Variants in GCFC2 observed in about 807,000 individuals in gnomAD.
GCFC2 encodes the protein intron Large complex component GCFC2.
Under a neutral mutation model 99.4 loss-of-function variants are expected in GCFC2, and 102 were observed. The ratio of observed to expected loss-of-function variants is 1.03; its 90% CI spans 0.87 to 1.21. The LOEUF (loss-of-function observed/expected upper bound fraction) is 1.21. Among genes scored for constraint, GCFC2 ranks in the 50% most tolerant of loss-of-function variants. GCFC2 has a pLI of 0.00. For synonymous variants in GCFC2, 338 were observed against 316.8 expected (o/e 1.07, Z -0.71); for missense variants, 973 against 920.9 (o/e 1.06, Z -0.73).
chr2:75,708,501 C>CTTTTTTT (rs34414596), intron 1 of GCFC2, among the ~76,000 whole-genome samples: 3 of 78,642 alleles, frequency 3.8e-5, no homozygotes, highest in Non-Finnish European at 4.9e-5. Flanking sequence ...CATTTGGCAA[C>CTTTTTTT]TTTTTTTTTT....
Position 75,710,691 on chromosome 2 carries a change from C to A in GCFC2, c.165G>T (p.Ala55=). The change falls in exon 1 of 17, where the codon GCG becomes GCT. Residue 55 remains alanine (A), a synonymous_variant. Coordinates refer to ENST00000321027, the MANE Select transcript of GCFC2 (RefSeq NM_003203.5). The stretch of plus-strand genomic sequence containing the variant: ...GGCCCCGAACCCGGTGGGGCAGTCC[C>A]GCCACCTGCGCGCGGCCTCCTCCAG... The part of the protein sequence containing the change: ...PPSGGGRAQV[A]GLPHRVRGPR... 1 of 1,528,322 alleles carries A rather than the reference C, an allele frequency of 6.5e-7. No individual in the cohort carries two copies. The highest frequency in any genetic ancestry group is 8.8e-7 in the Non-Finnish European group (1 of 1,142,844). The allele number at this position is 1,528,322 out of a possible 1,614,324, so 94.7% of individuals were successfully genotyped here.
At chr2:75,673,201 G>A (rs1401789037) in intron 13 of GCFC2, among the ~76,000 whole-genome samples, 1 of 152,224 alleles carries the variant, frequency 6.6e-6, no homozygotes, top group East Asian at 1.9e-4. Context: ...TCCCAGCCAT[G>A]GGAGGCTGAG....
At chr2:75,683,669 G>A (rs1452033744) in intron 11 of GCFC2, among the ~76,000 whole-genome samples, 2 of 143,630 alleles carry the variant, frequency 1.4e-5, no homozygotes, top group Non-Finnish European at 3.0e-5. Context: ...AAAGTGTCAA[G>A]ACCCATCAAT....
intron 5 of GCFC2, among the ~76,000 whole-genome samples, chr2:75,695,423 G>A (rs930309410): frequency 1.3e-5 from 2 of 151,970 alleles, no homozygotes; most frequent in Admixed American, 6.6e-5. Flanking sequence ...AAACATGATA[G>A]TTTTTTTAAA....
Position 75,664,821 on chromosome 2 carries a change from A to G in GCFC2, c.2229-38T>C, listed in dbSNP as rs148795467. On this transcript the variant is annotated intron_variant, in intron 16 of 16. Coordinates refer to ENST00000321027, the MANE Select transcript of GCFC2 (RefSeq NM_003203.5). ...ACAAATTTCTCCCTTTAAAAATGCA[A>G]TGTATGAGGGAACAGCGGTCAATTC... 237 of 927,964 alleles carry G rather than the reference A, an allele frequency of 2.6e-4. 1 individual carries two copies. The African/African-American group carries it at 3.1e-3, about 12-fold the overall frequency. 57.5% of individuals were successfully genotyped at this position (927,964 alleles called of 1,614,324 possible). A position where few individuals can be genotyped will look rare whatever the true frequency, so the allele number is the denominator to read the frequency against.
chr2:75,707,595 TA>T (rs1283402910), intron 1 of GCFC2, among the ~76,000 whole-genome samples: 27 of 152,328 alleles, frequency 1.8e-4, no homozygotes, highest in Non-Finnish European at 3.8e-4. Flanking sequence ...ACATCTTTCT[TA>T]GATATTGTCA....
At chr2:75,710,916 G>GC, upstream of GCFC2, 2 of 1,429,340 alleles carry the variant, frequency 1.4e-6, no homozygotes, top group Non-Finnish European at 1.8e-6. Context: ...CAGCTTCAGT[G>GC]CCCGCCCCCT....
At chr2:75,697,235 T>C (rs1680367983) in intron 4 of GCFC2, among the ~76,000 whole-genome samples, 1 of 152,226 alleles carries the variant, frequency 6.6e-6, no homozygotes, top group Non-Finnish European at 1.5e-5. Context: ...AGAACCTCTA[T>C]TTTACACAAA....
intron 12 of GCFC2, among the ~76,000 whole-genome samples, chr2:75,675,741 C>CAAAAAAAAAAAA (rs1206357027): frequency 1.4e-5 from 1 of 70,270 alleles, no homozygotes; most frequent in African/African-American, 3.7e-5. Flanking sequence ...AAGGTTCTGT[C>CAAAAAAAAAAAA]AAAAAAAAAA....
chr2:75,681,734 C>T (rs964243053), intron 11 of GCFC2, among the ~76,000 whole-genome samples: 2 of 151,838 alleles, frequency 1.3e-5, no homozygotes, highest in Non-Finnish European at 2.9e-5. Context: ...CTGAGCCCAA[C>T]CTGAGATGCT....
In GCFC2 at chr2:75,673,452, A is replaced by C. The variant is rs780942499; in HGVS notation, c.1881T>G (p.Tyr627Ter). The change falls in exon 13 of 17, where the codon TAT becomes TAG. Residue 627 changes from tyrosine to a stop codon, truncating the protein, a stop_gained. Transcript: ENST00000321027. LOFTEE classifies it high-confidence loss of function. ...AVEDDVFIPL[Y>*]PKSAVENKTS... ...AAATTAACAGCGCTTACCTCTTTGG[A>C]TACAGAGGAATAAAAACATCATCTT... is the stretch of plus-strand genomic sequence containing the variant. The C allele has an allele frequency of 1.1e-5, 15 of 1,355,800 alleles. 1 individual carries two copies. In the South Asian group the frequency reaches 1.8e-4, roughly 16 times the overall value. 84.0% of individuals were successfully genotyped at this position (1,355,800 alleles called of 1,614,324 possible). A position where few individuals can be genotyped will look rare whatever the true frequency, so the allele number is the denominator to read the frequency against.
chr2:75,712,017 A>T (rs1427087299), upstream of GCFC2, among the ~76,000 whole-genome samples: 1 of 152,238 alleles, frequency 6.6e-6, no homozygotes, highest in African/African-American at 2.4e-5. Context: ...GGGATCCACT[A>T]GGTGAAGCCA....
rs570409941 is a variant in GCFC2 at position 75,695,935 on chromosome 2, A to T, written c.833+265T>A. ...GCAATTTAAAACATATGAATTGTTTATTTCTGGAATTTTCCATTCAATATT... is the reference window on the plus strand; with the variant it reads ...GCAATTTAAAACATATGAATTGTTTTTTTCTGGAATTTTCCATTCAATATT... On this transcript the variant is annotated intron_variant, in intron 5 of 16. Coordinates refer to ENST00000321027, the MANE Select transcript of GCFC2 (RefSeq NM_003203.5). Among the ~76,000 whole-genome samples, 5 of 152,314 alleles carry T rather than the reference A, an allele frequency of 3.3e-5. No homozygotes were observed. In the East Asian group the frequency reaches 9.6e-4, roughly 29 times the overall value.
chr2:75,698,704 C>T (rs1012317348), intron 4 of GCFC2, among the ~76,000 whole-genome samples: 1 of 152,080 alleles, frequency 6.6e-6, no homozygotes, highest in Non-Finnish European at 1.5e-5. Flanking sequence ...TCTTAGTTCA[C>T]AGTTACATTA....
intron 9 of GCFC2, 61 bp downstream of exon 9, chr2:75,689,907 GC>G: frequency 1.2e-6 from 1 of 853,836 alleles, no homozygotes; most frequent in East Asian, 2.7e-5. Context: ...GGCAATCCCA[GC>G]AAAGTGTTTC....
chr2:75,706,759 A>G, intron 1 of GCFC2, 108 bp from the exon 2 acceptor site: 1 of 627,630 alleles, frequency 1.6e-6, no homozygotes, highest in Non-Finnish European at 2.6e-6. Context: ...TTTTAATCCT[A>G]GTCCATATAT....
chr2:75,696,456 A>G (rs1680330465), intron 4 of GCFC2, 141 bp from the exon 5 acceptor site: 2 of 472,790 alleles, frequency 4.2e-6, no homozygotes, highest in African/African-American at 2.0e-5. Flanking sequence ...CATGGTCCCA[A>G]TAAAATGTTT....
rs116136784 is a variant in GCFC2 at position 75,709,484 on chromosome 2, A to G, written c.265+1107T>C. 1.8e-3 allele frequency among the ~76,000 whole-genome samples: 267 copies of G among 152,336 alleles called. 1 individual carries two copies. The highest frequency in any genetic ancestry group is 6.1e-3 in the African/African-American group (254 of 41,580). Reference sequence around the variant, plus strand: ...AGACAAACACCACATGATCTCACATATGTAATCTAAAAAAGTGGAAATCAG... The same window carrying G: ...AGACAAACACCACATGATCTCACATGTGTAATCTAAAAAAGTGGAAATCAG... On this transcript the variant is annotated intron_variant, in intron 1 of 16. Transcript: ENST00000321027.
intron 3 of GCFC2, 105 bp downstream of exon 3, chr2:75,702,094 A>G: frequency 6.7e-7 from 1 of 1,497,164 alleles, no homozygotes; most frequent in Non-Finnish European, 8.9e-7. Context: ...AACCATTATC[A>G]ACACTATAAA....
Sources: gnomAD v4.1 joint callset for allele counts (sites outside exome capture counted in the v4.1 genomes callset) on GRCh38, gnomAD v4.1.1 for gene constraint, MANE v1.5 for transcripts, NCBI Gene and HGNC (gene_info 2026-07-23, HGNC 2026-07-21) for gene names.